The following PLOD1 variants were observed in gnomAD, a reference collection of about 807,000 sequenced individuals.
PLOD1 encodes lysine hydroxylase.
In PLOD1, 70 loss-of-function variants were observed where a neutral mutation model predicts 94.7. The ratio of observed to expected loss-of-function variants is 0.74; its 90% CI spans 0.61 to 0.90. The LOEUF (loss-of-function observed/expected upper bound fraction) is 0.90. Ranked by LOEUF, PLOD1 falls within the 40% of genes least tolerant of loss-of-function variation. The probability of loss-of-function intolerance (pLI) is 0.00; values close to 1 mark genes in which losing one functional copy is unlikely to be tolerated. For missense variants in PLOD1, 905 were observed against 972.7 expected, an observed-to-expected ratio of 0.93 and a Z score of 0.93; for synonymous variants, 417 against 400.2, an observed-to-expected ratio of 1.04 and a Z score of -0.50.
chr1:11,938,645 A>T (rs1359890864), intron 1 of PLOD1, among the ~76,000 whole-genome samples: 1 of 151,944 alleles, frequency 6.6e-6, no homozygotes, highest in African/African-American at 2.4e-5. Context: ...GGATGGGAGG[A>T]GGCAGCTACT....
chr1:11,966,415 A>T, intron 15 of PLOD1, 99 bp downstream of exon 15: 14 of 461,010 alleles, frequency 3.0e-5, no homozygotes, highest in East Asian at 6.9e-5. Flanking sequence ...GGACAGCAGG[A>T]TGGGAGTTGG....
chr1:11,936,697 AT>A (rs1464056811), intron 1 of PLOD1, among the ~76,000 whole-genome samples: 1 of 151,710 alleles, frequency 6.6e-6, no homozygotes, highest in African/African-American at 2.4e-5. Flanking sequence ...TAATTTTTGT[AT>A]CTTTAGAAGA....
intron 1 of PLOD1, among the ~76,000 whole-genome samples, chr1:11,936,108 C>T (rs956850876): frequency 2.6e-5 from 4 of 152,202 alleles, no homozygotes; most frequent in Admixed American, 2.0e-4. Flanking sequence ...GGATTACAGG[C>T]GTGAGCCACC....
At chr1:11,937,483 C>A (rs754964708) in intron 1 of PLOD1, among the ~76,000 whole-genome samples, 1 of 152,212 alleles carries the variant, frequency 6.6e-6, no homozygotes, top group Non-Finnish European at 1.5e-5. Flanking sequence ...GGGCTCTCGG[C>A]CTGGGTCCCC....
At position 11,963,399 on chromosome 1, in the gene PLOD1, T is replaced by C; in HGVS notation, c.1098-133T>C. The C allele has an allele frequency of 4.3e-6, 3 of 698,134 alleles. No homozygotes were observed. The highest frequency in any genetic ancestry group is 3.0e-5 in the South Asian group (2 of 65,646). The allele number at this position is 698,134 out of a possible 1,614,324, so 43.2% of individuals were successfully genotyped here. A position where few individuals can be genotyped will look rare whatever the true frequency, so the allele number is the denominator to read the frequency against. On this transcript the variant is annotated intron_variant, in intron 10 of 18. Coordinates refer to ENST00000196061, the MANE Select transcript of PLOD1 (RefSeq NM_000302.4). The surrounding 1 kb of genome is among the most constrained non-coding windows in gnomAD (Gnocchi z 4.3). ...TGGGACTCAGAGTCGGGAGGAACCT[T>C]TGAGGCTGCTGGTGTGACCTCTCTA...
intron 1 of PLOD1, chr1:11,944,472 C>G (rs146323769): frequency 7.8e-7 from 1 of 1,274,322 alleles, no homozygotes; most frequent in Non-Finnish European, 1.0e-6. Flanking sequence ...CATGCTCTCA[C>G]GCTGGCTTTT....
At chr1:11,968,272 T>C (rs1334315033) in intron 16 of PLOD1, among the ~76,000 whole-genome samples, 2 of 151,718 alleles carry the variant, frequency 1.3e-5, no homozygotes, top group Non-Finnish European at 2.9e-5. Flanking sequence ...CTTTTTATTT[T>C]ATTTATTTTT....
rs1445989148 is a variant in PLOD1 at position 11,958,261 on chromosome 1, C to T, written c.844-255C>T. Among the ~76,000 whole-genome samples the T allele has an allele frequency of 3.3e-5, 5 of 152,140 alleles. No homozygotes were observed. The highest frequency in any genetic ancestry group is 7.3e-5 in the Non-Finnish European group (5 of 68,030). On this transcript the variant is annotated intron_variant, in intron 8 of 18. Transcript: ENST00000196061. This position sits in a 1 kb window ranked among gnomAD's most constrained non-coding sequence, Gnocchi z 4.3. ...CTCACCTCGAACACCACGCCAGCCA[C>T]GATCTCCTGACAGCAGGCCCTCAAC...
rs771071711 is a variant in PLOD1, at chr1:11,957,979, G to A, written c.843+36G>A. 1.2e-5 allele frequency: 16 copies of A among 1,318,186 alleles called. No individual in the cohort carries two copies. Among genetic ancestry groups the A allele is most frequent in the Non-Finnish European group, 9.9e-6 (9 of 909,670 alleles). 81.7% of individuals were successfully genotyped at this position (1,318,186 alleles called of 1,614,324 possible). The stretch of plus-strand genomic sequence containing the variant: ...GCCCAGGCCTGTGCCTGAGGGACAC[G>A]GGGGGCTCAGTCCCCTGAGATGGCG... On this transcript the variant is annotated intron_variant, in intron 8 of 18. Transcript: ENST00000196061. This position sits in a 1 kb window ranked among gnomAD's most constrained non-coding sequence, Gnocchi z 4.1.
chr1:11,944,633 G>C (rs1362643373), intron 1 of PLOD1: 3 of 1,362,326 alleles, frequency 2.2e-6, no homozygotes, highest in Non-Finnish European at 2.9e-6. Flanking sequence ...AGTGTGAGCA[G>C]CATCCCTCGT....
chr1:11,949,328 A>G (rs1165725525), intron 2 of PLOD1, among the ~76,000 whole-genome samples: 1 of 152,212 alleles, frequency 6.6e-6, no homozygotes, highest in Non-Finnish European at 1.5e-5. Flanking sequence ...TCACATGACC[A>G]CCAGGAACCG....
In PLOD1 at chr1:11,950,367, C is replaced by G. The variant is rs1557487050; in HGVS notation, c.313C>G (p.Leu105Val). The G allele has an allele frequency of 6.2e-7, 1 of 1,614,152 alleles. No homozygotes were observed. Among genetic ancestry groups the G allele is most frequent in the East Asian group, 2.2e-5 (1 of 44,880 alleles). Residue 105 changes from leucine (L) to valine (V), a missense_variant, in exon 4 of 19, where the codon CTG becomes GTG. Physicochemically the swap from Leu to Val is conservative, Grantham distance 32 (BLOSUM62 1). Coordinates refer to ENST00000196061, the MANE Select transcript of PLOD1 (RefSeq NM_000302.4). The part of the protein sequence containing the change: ...VILFADSYDV[L>V]FASGPRELLK... ...CTGCTCTGGCCACAGCTATGACGTG[C>G]TGTTTGCATCGGGGCCCCGGGAGCT...
At chr1:11,943,828 T>G (rs1352084622) in intron 1 of PLOD1, among the ~76,000 whole-genome samples, 2 of 152,172 alleles carry the variant, frequency 1.3e-5, no homozygotes, top group African/African-American at 4.8e-5. Context: ...GGTTCAGGCT[T>G]GTGTCCAAGT....
At chr1:11,935,890 T>C (rs1645574813) in intron 1 of PLOD1, among the ~76,000 whole-genome samples, 1 of 151,540 alleles carries the variant, frequency 6.6e-6, no homozygotes, top group South Asian at 2.1e-4. Context: ...CCCAAAATGT[T>C]TGGATTACAG....
rs1645751766 is a variant in PLOD1 at position 11,958,055 on chromosome 1, G to A, written c.843+112G>A. ...CATTGTCTTTGGTGGAAAGTGAAGG[G>A]GTCACCTCCCTGCCTGGGGTTCTAT... On this transcript the variant is annotated intron_variant, in intron 8 of 18. Coordinates refer to ENST00000196061, the MANE Select transcript of PLOD1 (RefSeq NM_000302.4). This position sits in a 1 kb window ranked among gnomAD's most constrained non-coding sequence, Gnocchi z 4.3. 1 of 792,334 alleles carries A rather than the reference G, an allele frequency of 1.3e-6. No homozygotes were observed. Among genetic ancestry groups the A allele is most frequent in the African/African-American group, 1.7e-5 (1 of 58,708 alleles). 49.1% of individuals were successfully genotyped at this position (792,334 alleles called of 1,614,324 possible).
chr1:11,956,924 C>T lies in PLOD1; in HGVS notation c.651C>T (p.Val217=), dbSNP rs759435283. The T allele has an allele frequency of 5.0e-5, 80 of 1,611,688 alleles. No individual in the cohort carries two copies. Among genetic ancestry groups the T allele is most frequent in the South Asian group, 2.5e-4 (23 of 90,998 alleles). ...FQNLDGALDE[V]VLKFEMGHVR... ...GTGCTTTCTGACCCCCAGATGAGGTCGTGCTCAAGTTTGAAATGGGCCATG... is the reference window on the plus strand; with the variant it reads ...GTGCTTTCTGACCCCCAGATGAGGTTGTGCTCAAGTTTGAAATGGGCCATG... Residue 217 remains valine, a synonymous_variant, in exon 7 of 19, where the codon GTC becomes GTT. Coordinates refer to ENST00000196061, the MANE Select transcript of PLOD1 (RefSeq NM_000302.4).
chr1:11,936,901 C>T (rs1487154906), intron 1 of PLOD1, among the ~76,000 whole-genome samples: 1 of 148,678 alleles, frequency 6.7e-6, no homozygotes, highest in African/African-American at 2.5e-5. Context: ...AGGCTGGAGT[C>T]CAATGGTGCG....
intron 5 of PLOD1, among the ~76,000 whole-genome samples, chr1:11,953,648 C>T (rs1297225927): frequency 2.6e-5 from 4 of 151,374 alleles, no homozygotes; most frequent in Non-Finnish European, 5.9e-5. Context: ...AAAGATTAGC[C>T]GTGCGTGGTG....
chr1:11,949,612 G>T (rs1247242664), intron 2 of PLOD1, among the ~76,000 whole-genome samples, 161 bp from the exon 3 acceptor site: 1 of 152,140 alleles, frequency 6.6e-6, no homozygotes, highest in East Asian at 1.9e-4. Flanking sequence ...TAGAGACAGG[G>T]TTTCGCCATG....
Sources: gnomAD v4.1 joint callset for allele counts (sites outside exome capture counted in the v4.1 genomes callset) on GRCh38, gnomAD v4.1.1 for gene constraint, Gnocchi (gnomAD v3.1) non-coding constraint, MANE v1.5 for transcripts, NCBI Gene and HGNC (gene_info 2026-07-23, HGNC 2026-07-21) for gene names.